The following FHIP1A variants were observed in gnomAD, a reference collection of about 807,000 sequenced individuals.
FHIP1A encodes FHF complex subunit HOOK interacting protein 1A, also known as FHF complex subunit HOOK-interacting protein 1A.
In FHIP1A, 61 loss-of-function variants were observed where a neutral mutation model predicts 88.6. That is an observed-to-expected ratio of 0.69 (90% confidence interval 0.56 to 0.85). FHIP1A has a LOEUF of 0.85. FHIP1A is among the 40% of genes least tolerant of loss of function. The probability of loss-of-function intolerance (pLI) is 0.00; values close to 1 mark genes in which losing one functional copy is unlikely to be tolerated. For missense variants in FHIP1A, 1,154 were observed against 1,273.5 expected (o/e 0.91, Z 1.43); for synonymous variants, 478 against 496.0 (o/e 0.96, Z 0.48).
chr4:151,472,743 A>G (rs1485917788), intron 2 of FHIP1A, among the ~76,000 whole-genome samples: 1 of 151,876 alleles, frequency 6.6e-6, no homozygotes, highest in African/African-American at 2.4e-5. Context: ...CTTCCTTCCA[A>G]CATTCAAAAG....
At chr4:151,463,972 A>G (rs951906750) in intron 2 of FHIP1A, among the ~76,000 whole-genome samples, 5 of 152,172 alleles carry the variant, frequency 3.3e-5, no homozygotes, top group Middle Eastern at 6.8e-3. Context: ...ATATGATCTG[A>G]CTCCTAACCT....
At chr4:151,454,624 C>T (rs1192837106) in intron 1 of FHIP1A, 77 bp from the exon 2 acceptor site, 1 of 151,232 alleles carries the variant, frequency 6.6e-6, no homozygotes, top group East Asian at 1.9e-4. Flanking sequence ...AAATCCGAAG[C>T]AGAGATTATA....
chr4:151,577,314 C>T (rs939799063), intron 4 of FHIP1A, 136 bp from the exon 5 acceptor site: 11 of 720,076 alleles, frequency 1.5e-5, no homozygotes, highest in Non-Finnish European at 2.5e-5. Context: ...CACACACACA[C>T]ACACACAATG....
intron 3 of FHIP1A, among the ~76,000 whole-genome samples, chr4:151,545,888 T>C (rs1732484046): frequency 6.6e-6 from 1 of 152,206 alleles, no homozygotes; most frequent in African/African-American, 2.4e-5. Flanking sequence ...ATTATGCTTT[T>C]GGATGAGAAA....
chr4:151,532,030 T>A (rs953090636), intron 3 of FHIP1A, among the ~76,000 whole-genome samples: 1 of 152,238 alleles, frequency 6.6e-6, no homozygotes, highest in Non-Finnish European at 1.5e-5. Context: ...GTAGAGTATG[T>A]GGATACGTGG....
intron 11 of FHIP1A, among the ~76,000 whole-genome samples, chr4:151,653,048 A>T (rs1737089762): frequency 6.6e-6 from 1 of 152,138 alleles, no homozygotes. Context: ...AGACACCCTT[A>T]TTGCCGTGTC....
At chr4:151,431,130 C>T (rs1733574745) in intron 1 of FHIP1A, among the ~76,000 whole-genome samples, 1 of 152,122 alleles carries the variant, frequency 6.6e-6, no homozygotes, top group African/African-American at 2.4e-5. Context: ...CTTTAGCAGG[C>T]CACTGCTTTT....
chr4:151,428,767 T>C (rs920717036), intron 1 of FHIP1A, among the ~76,000 whole-genome samples: 1 of 152,202 alleles, frequency 6.6e-6, no homozygotes, highest in African/African-American at 2.4e-5. Context: ...TTTTAATGTG[T>C]TTTTCTCTTT....
intron 3 of FHIP1A, among the ~76,000 whole-genome samples, chr4:151,522,093 C>T (rs1411041779): frequency 6.6e-6 from 1 of 152,182 alleles, no homozygotes; most frequent in East Asian, 1.9e-4. Context: ...ACTCTATGAT[C>T]TATTATAAAT....
chr4:151,577,798 G>A lies in FHIP1A; in HGVS notation c.454G>A (p.Gly152Arg), dbSNP rs1733856951. ...PLMMLLSSCS[G>R]TTTPTVEEKL... ...GATGATGTTGCTGAGCTCTTGTTCAGGAACAACCACCCCCACTGTGGAGGA... is the reference window on the plus strand; with the variant it reads ...GATGATGTTGCTGAGCTCTTGTTCAAGAACAACCACCCCCACTGTGGAGGA... Residue 152 changes from glycine (G) to arginine (R), a missense_variant, in exon 5 of 14, where the codon GGA (glycine) becomes AGA (arginine). Transcript: ENST00000435205. 6.4e-7 allele frequency: 1 copy of A among 1,551,876 alleles called. No individual in the cohort carries two copies. The highest frequency in any genetic ancestry group is 8.7e-7 in the Non-Finnish European group (1 of 1,147,072).
intron 1 of FHIP1A, among the ~76,000 whole-genome samples, chr4:151,438,317 C>A (rs906343301): frequency 6.6e-6 from 1 of 152,086 alleles, no homozygotes. Context: ...CTCAGGAATA[C>A]CTGTTTCTGG....
intron 1 of FHIP1A, among the ~76,000 whole-genome samples, chr4:151,452,723 G>A (rs1243271515): frequency 2.6e-5 from 4 of 151,352 alleles, no homozygotes; most frequent in African/African-American, 4.9e-5. Flanking sequence ...GTTGCAGTGA[G>A]CAGAGATTGG....
chr4:151,420,384 G>C (rs933776416), intron 1 of FHIP1A, among the ~76,000 whole-genome samples: 2 of 35,608 alleles, frequency 5.6e-5, no homozygotes, highest in East Asian at 1.0e-3. Flanking sequence ...CTGCATAAAT[G>C]TCTTCTTTTG....
Position 151,497,643 on chromosome 4 carries a change from T to G in FHIP1A, c.-123+14995T>G, listed in dbSNP as rs574134690. On this transcript the variant is annotated intron_variant, in intron 3 of 13. Transcript: ENST00000435205. ...CAACTTGTGTGTGTGTGTGTGCACA[T>G]GCACACACATGCTAGTGGCAATCAG... 3.3e-5 allele frequency among the ~76,000 whole-genome samples: 5 copies of G among 152,338 alleles called. No homozygotes were observed. In the South Asian group the frequency reaches 1.0e-3, roughly 32 times the overall value.
intron 1 of FHIP1A, among the ~76,000 whole-genome samples, chr4:151,428,854 A>G (rs1425099675): frequency 6.6e-6 from 1 of 152,078 alleles, no homozygotes; most frequent in Admixed American, 6.6e-5. Context: ...CATCATCTTT[A>G]TACATCTCCA....
rs1406734341 is a variant in FHIP1A at position 151,667,186 on chromosome 4, T to C, written c.*4432T>C. ...TGAGCTCTTCCTGGAAACAGCAGTCTCTTGTAGCTGATGCCACATCAGCTT... is the reference window on the plus strand; with the variant it reads ...TGAGCTCTTCCTGGAAACAGCAGTCCCTTGTAGCTGATGCCACATCAGCTT... On this transcript the variant is annotated 3_prime_UTR_variant, in exon 14 of 14. Transcript: ENST00000435205. 2 of 152,224 alleles carry C rather than the reference T, an allele frequency of 1.3e-5. No individual in the cohort carries two copies. The highest frequency in any genetic ancestry group is 2.9e-5 in the Non-Finnish European group (2 of 68,048). The allele number at this position is 152,224 out of a possible 1,614,324, so 9.4% of individuals were successfully genotyped here.
rs188181504 is a variant in FHIP1A, at chr4:151,452,929, T to G, written c.-355-1772T>G. On this transcript the variant is annotated intron_variant, in intron 1 of 13. Transcript: ENST00000435205. ...TTACCTTTTCCTATGTCTGCAGACA[T>G]TGAAACGTATATATATATATATACA... Among the ~76,000 whole-genome samples, 463 of 142,342 alleles carry G rather than the reference T, an allele frequency of 3.3e-3. 12 individuals are homozygous for G. Among genetic ancestry groups the G allele is most frequent in the Admixed American group, 0.032 (446 of 14,058 alleles). 93.4% of individuals were successfully genotyped at this position (142,342 alleles called of 152,430 possible).
At chr4:151,609,096 C>T (rs1452761226) in intron 7 of FHIP1A, among the ~76,000 whole-genome samples, 1 of 152,096 alleles carries the variant, frequency 6.6e-6, no homozygotes, top group Non-Finnish European at 1.5e-5. Context: ...ACAGTGATTT[C>T]GATACCATAA....
intron 3 of FHIP1A, among the ~76,000 whole-genome samples, chr4:151,500,250 C>A (rs1730602285): frequency 6.6e-6 from 1 of 152,018 alleles, no homozygotes; most frequent in Non-Finnish European, 1.5e-5. Flanking sequence ...GAATAGGGGA[C>A]TTTATGGCCA....
Sources: allele counts gnomAD v4.1 joint callset (sites outside exome capture counted in the v4.1 genomes callset), GRCh38; gene constraint gnomAD v4.1.1; transcripts MANE v1.5; gene names NCBI Gene and HGNC (gene_info 2026-07-23, HGNC 2026-07-21).